Variants in PPP1R16A observed in about 807,000 individuals in gnomAD.
The protein encoded by PPP1R16A is protein phosphatase 1 regulatory subunit 16A.
Under a neutral mutation model 46.6 loss-of-function variants are expected in PPP1R16A, and 39 were observed. The ratio of observed to expected loss-of-function variants is 0.84; its 90% confidence interval spans 0.65 to 1.09. PPP1R16A has a LOEUF of 1.09. Ranked by LOEUF, PPP1R16A falls within the 50% of genes least tolerant of loss-of-function variation. The pLI, the probability that PPP1R16A is intolerant of heterozygous loss-of-function variation, is 0.00. For synonymous variants in PPP1R16A, 413 were observed against 321.5 expected, an observed-to-expected ratio of 1.28 and a Z score of -3.04; for missense variants, 798 against 735.6, an observed-to-expected ratio of 1.08 and a Z score of -0.98.
chr8:144,481,046 G>A (rs1039599672), intron 1 of PPP1R16A, among the ~76,000 whole-genome samples: 1 of 151,318 alleles, frequency 6.6e-6, no homozygotes, highest in African/African-American at 2.4e-5. Context: ...CCACCACCAC[G>A]CCCGGCTAAT....
rs1015236747 is a variant in PPP1R16A at position 144,482,141 on chromosome 8, C to T, written c.-914+4014C>T. Among the ~76,000 whole-genome samples the T allele has an allele frequency of 4.6e-5, 7 of 151,994 alleles. No individual in the cohort carries two copies. In the South Asian group the frequency reaches 1.0e-3, roughly 22 times the overall value. ...CTTGCCAAGTGCAGTGGTGTCATCTCGGCTCATTGCAGCCTTGGCCTCCCG... is the reference window on the plus strand; with the variant it reads ...CTTGCCAAGTGCAGTGGTGTCATCTTGGCTCATTGCAGCCTTGGCCTCCCG... On this transcript the variant is annotated intron_variant, in intron 1 of 11. Transcript: ENST00000435887.
chr8:144,489,016 C>T (rs1825707759), intron 1 of PPP1R16A, among the ~76,000 whole-genome samples: 1 of 151,188 alleles, frequency 6.6e-6, no homozygotes, highest in Non-Finnish European at 1.5e-5. Flanking sequence ...CCAGCCTTGC[C>T]AACATGGTGA....
At chr8:144,491,190 A>C (rs778898002) in intron 2 of PPP1R16A, among the ~76,000 whole-genome samples, 14 of 152,240 alleles carry the variant, frequency 9.2e-5, no homozygotes, top group Admixed American at 5.9e-4. Flanking sequence ...GACCCACCTC[A>C]TCTTGTTAAC....
Position 144,500,673 on chromosome 8 carries a change from C to T in PPP1R16A, c.832-13C>T, listed in dbSNP as rs777966841. The stretch of plus-strand genomic sequence containing the variant: ...CAGCGCAGCAGTCTGCAGCTCCGGC[C>T]TGCCGTCCACAGGTGCCCCTGGTGG... On this transcript the variant is annotated splice_polypyrimidine_tract_variant and intron_variant, in intron 8 of 11. Transcript: ENST00000435887. The T allele has an allele frequency of 1.6e-5, 25 of 1,609,390 alleles. No homozygotes were observed. The highest frequency in any genetic ancestry group is 2.7e-5 in the African/African-American group (2 of 74,902).
rs760848217 is a variant in PPP1R16A, at chr8:144,501,785, C to G, written c.1469C>G (p.Thr490Arg). 1.3e-6 allele frequency: 2 copies of G among 1,560,468 alleles called. No homozygotes were observed. The highest frequency in any genetic ancestry group is 2.4e-5 in the South Asian group (2 of 84,968). Residue 490 changes from threonine (T) to arginine (R), a missense_variant, in exon 12 of 12, where the codon ACG becomes AGG. By Grantham distance (71) the Thr-to-Arg change is moderately conservative. Transcript: ENST00000435887. ...GCTGAGCCTGGCCTGCCTGGTGACA[C>G]GGTGACCCCCCAGCCTGACTGTGGC... The part of the protein sequence containing the change: ...ETAEPGLPGD[T>R]VTPQPDCGFR...
chr8:144,500,389 C>A lies in PPP1R16A; in HGVS notation c.703C>A (p.Leu235Met). ...TGCCCCCCTGGACCACGGGGCCACG[C>A]TGGTGAGGGCTGGGGGGTGAGGGGC... The part of the protein sequence containing the change: ...LHAPLDHGAT[L>M]LHVAAANGFS... Residue 235 changes from leucine (L) to methionine (M), a missense_variant and splice_region_variant, in exon 7 of 12, where the codon CTG (leucine) becomes ATG (methionine). Transcript: ENST00000435887. 1.3e-6 allele frequency: 2 copies of A among 1,525,060 alleles called. No individual in the cohort carries two copies. Among genetic ancestry groups the A allele is most frequent in the Non-Finnish European group, 1.8e-6 (2 of 1,141,408 alleles). 94.5% of individuals were successfully genotyped at this position (1,525,060 alleles called of 1,614,324 possible). A position where few individuals can be genotyped will look rare whatever the true frequency, so the allele number is the denominator to read the frequency against.
rs375095062 is a variant in PPP1R16A, at chr8:144,501,116, C to T, written c.1038-13C>T. On this transcript the variant is annotated splice_polypyrimidine_tract_variant and intron_variant, in intron 10 of 11. Transcript: ENST00000435887. ...TCCCCTTCCCCTCACTCCCTCTCCTCTCTCCTCCCCAGGAAGGTGGTGAGG... is the reference window on the plus strand; with the variant it reads ...TCCCCTTCCCCTCACTCCCTCTCCTTTCTCCTCCCCAGGAAGGTGGTGAGG... 8.7e-6 allele frequency: 14 copies of T among 1,609,900 alleles called. No individual in the cohort carries two copies. Among genetic ancestry groups the T allele is most frequent in the East Asian group, 6.7e-5 (3 of 44,840 alleles).
rs1408337613 is a variant in PPP1R16A, at chr8:144,499,938, G to A, written c.477-158G>A. The A allele has an allele frequency of 2.2e-5, 15 of 673,030 alleles. No homozygotes were observed. In the Admixed American group the frequency reaches 3.7e-4, roughly 16 times the overall value. The allele number at this position is 673,030 out of a possible 1,614,324, so 41.7% of individuals were successfully genotyped here. A position where few individuals can be genotyped will look rare whatever the true frequency, so the allele number is the denominator to read the frequency against. The stretch of plus-strand genomic sequence containing the variant: ...CTTAATGACAGGATCTAGGACAGCC[G>A]ATGGGCCCCAAGGCTGCCTCTCCCA... On this transcript the variant is annotated intron_variant, in intron 5 of 11. Transcript: ENST00000435887.
intron 1 of PPP1R16A, among the ~76,000 whole-genome samples, chr8:144,482,075 T>TGCCGCCGCC (rs59209733): frequency 7.1e-4 from 108 of 151,092 alleles, no homozygotes; most frequent in African/African-American, 1.8e-3. Context: ...TGTGCCCGGC[T>TGCCGCCGCC]GCCGCCGCCG....
chr8:144,492,764 AC>A (rs1280189892), intron 2 of PPP1R16A, among the ~76,000 whole-genome samples: 1 of 151,856 alleles, frequency 6.6e-6, no homozygotes, highest in Non-Finnish European at 1.5e-5. Flanking sequence ...CTCTTTCTGC[AC>A]CCTCCTCACC....
chr8:144,486,702 C>T (rs1049332266), intron 1 of PPP1R16A, among the ~76,000 whole-genome samples: 2 of 152,112 alleles, frequency 1.3e-5, no homozygotes, highest in Non-Finnish European at 2.9e-5. Flanking sequence ...CTAATTGGAT[C>T]GTTTCATTTT....
At chr8:144,482,156 T>C (rs1408502851) in intron 1 of PPP1R16A, among the ~76,000 whole-genome samples, 1 of 152,146 alleles carries the variant, frequency 6.6e-6, no homozygotes, top group African/African-American at 2.4e-5. Context: ...CATTGCAGCC[T>C]TGGCCTCCCG....
chr8:144,494,268 C>T (rs753728278), intron 2 of PPP1R16A, among the ~76,000 whole-genome samples: 2 of 151,206 alleles, frequency 1.3e-5, no homozygotes, highest in African/African-American at 4.9e-5. Flanking sequence ...CACTGTGCCC[C>T]GCCGATCTTT....
In PPP1R16A at chr8:144,490,133, C is replaced by T. The variant is rs1465715148; in HGVS notation, c.-814C>T. 2 of 152,342 alleles carry T rather than the reference C, an allele frequency of 1.3e-5. No homozygotes were observed. Among genetic ancestry groups the T allele is most frequent in the Admixed American group, 1.3e-4 (2 of 15,290 alleles). The allele number at this position is 152,342 out of a possible 1,614,324, so 9.4% of individuals were successfully genotyped here. A position where few individuals can be genotyped will look rare whatever the true frequency, so the allele number is the denominator to read the frequency against. ...GAAGACACTGGCCGGGACACAGAGC[C>T]CACGTGTGGACACCGCTGTGGGTTG... is the stretch of plus-strand genomic sequence containing the variant. On this transcript the variant is annotated 5_prime_UTR_variant, in exon 2 of 12. Coordinates refer to ENST00000435887, the MANE Select transcript of PPP1R16A (RefSeq NM_001329443.2).
chr8:144,487,843 A>G (rs1586742091), intron 1 of PPP1R16A, among the ~76,000 whole-genome samples: 1 of 152,180 alleles, frequency 6.6e-6, no homozygotes, highest in Non-Finnish European at 1.5e-5. Flanking sequence ...GTGTTTCCAT[A>G]TAAGTGGAGC....
intron 3 of PPP1R16A, chr8:144,498,374 AG>A (rs1486274526): frequency 5.9e-6 from 2 of 338,250 alleles, no homozygotes; most frequent in African/African-American, 4.3e-5. Flanking sequence ...CAGAGGACCC[AG>A]GAGAGCTCAT....
chr8:144,484,263 G>A (rs553958189), intron 1 of PPP1R16A, among the ~76,000 whole-genome samples: 45 of 152,328 alleles, frequency 3.0e-4, no homozygotes, highest in Admixed American at 9.1e-4. Context: ...TTACAGCGCC[G>A]ACCCCTCTGA....
intron 1 of PPP1R16A, among the ~76,000 whole-genome samples, chr8:144,486,351 G>A (rs1825627883): frequency 6.6e-6 from 1 of 152,198 alleles, no homozygotes; most frequent in South Asian, 2.1e-4. Flanking sequence ...ACAGGCGTGA[G>A]CCACCACGCC....
In PPP1R16A at chr8:144,501,173, A is replaced by G. The variant is rs1826433007; in HGVS notation, c.1082A>G (p.Tyr361Cys). 3.7e-6 allele frequency: 6 copies of G among 1,610,532 alleles called. No individual in the cohort carries two copies. The highest frequency in any genetic ancestry group is 5.1e-6 in the Non-Finnish European group (6 of 1,179,666). The change falls in exon 11 of 12, where the codon TAC becomes TGC. Residue 361 changes from tyrosine to cysteine, a missense_variant. By Grantham distance (194) the Tyr-to-Cys change is radical (BLOSUM62 -2). Transcript: ENST00000435887. The part of the protein sequence containing the change: ...RVSLTQRTDL[Y>C]RKQHAQEAIV... ...AGCCTAACCCAGCGCACCGACCTGT[A>G]CCGCAAGCAGCACGCCCAGGAGGCC...
Sources: allele counts gnomAD v4.1 joint callset (sites outside exome capture counted in the v4.1 genomes callset), GRCh38; gene constraint gnomAD v4.1.1; transcripts MANE v1.5; gene names NCBI Gene and HGNC (gene_info 2026-07-23, HGNC 2026-07-21).